MGAT5: variants seen among roughly 807,000 people sequenced by gnomAD.
The protein encoded by MGAT5 is alpha-1,6-mannosylglycoprotein 6-beta-N-acetylglucosaminyltransferase.
MGAT5 carries 30 observed loss-of-function variants against 94.3 expected under a neutral mutation model. The ratio of observed to expected loss-of-function variants is 0.32; its 90% CI spans 0.24 to 0.43. The LOEUF (loss-of-function observed/expected upper bound fraction) is 0.43, where lower values mean the gene tolerates loss of function less well. MGAT5 is among the 20% of genes least tolerant of loss of function. The probability of loss-of-function intolerance (pLI) is 1.00; values close to 1 mark genes in which losing one functional copy is unlikely to be tolerated. For synonymous variants in MGAT5, 310 were observed against 322.9 expected (o/e 0.96, Z 0.43); for missense variants, 691 against 905.5 (o/e 0.76, Z 3.04).
intron 1 of MGAT5, among the ~76,000 whole-genome samples, chr2:134,173,450 C>T (rs1032957451): frequency 3.9e-5 from 6 of 152,172 alleles, no homozygotes; most frequent in Non-Finnish European, 8.8e-5. Context: ...AGATGGTCAT[C>T]TTCCTGCATG....
chr2:134,215,983 T>G (rs1178732044), intron 1 of MGAT5, among the ~76,000 whole-genome samples: 1 of 152,188 alleles, frequency 6.6e-6, no homozygotes, highest in Non-Finnish European at 1.5e-5. Context: ...GCTTGGTGCT[T>G]TTAATGGACT....
At chr2:134,275,668 C>T (rs1177098789) in intron 2 of MGAT5, among the ~76,000 whole-genome samples, 2 of 148,842 alleles carry the variant, frequency 1.3e-5, no homozygotes, top group Non-Finnish European at 3.0e-5. Context: ...TTTGCAGCCT[C>T]GACCTTCCAT....
chr2:134,287,786 G>A (rs1393743364), intron 2 of MGAT5, among the ~76,000 whole-genome samples: 1 of 152,102 alleles, frequency 6.6e-6, no homozygotes, highest in Non-Finnish European at 1.5e-5. Flanking sequence ...GTAAGCCTTT[G>A]CTATTTATAA....
At chr2:134,184,698 G>C (rs1360215928) in intron 1 of MGAT5, among the ~76,000 whole-genome samples, 1 of 151,954 alleles carries the variant, frequency 6.6e-6, no homozygotes. Flanking sequence ...AGACACATCA[G>C]TAGATAATTA....
At chr2:134,401,453 C>G (rs576025130) in intron 10 of MGAT5, among the ~76,000 whole-genome samples, 2 of 152,088 alleles carry the variant, frequency 1.3e-5, no homozygotes, top group Non-Finnish European at 2.9e-5. Context: ...GAGTGGGTCC[C>G]CTCAGGTCAG....
At chr2:134,136,504 T>C (rs1686418049) in intron 1 of MGAT5, among the ~76,000 whole-genome samples, 1 of 152,076 alleles carries the variant, frequency 6.6e-6, no homozygotes, top group Non-Finnish European at 1.5e-5. Context: ...GAGGCAAAGG[T>C]TGCAGTGAGC....
chr2:134,276,892 A>ACGGACAGAC (rs1039942607), intron 2 of MGAT5, among the ~76,000 whole-genome samples: 1 of 152,192 alleles, frequency 6.6e-6, no homozygotes, highest in African/African-American at 2.4e-5. Context: ...TTATGGGGAC[A>ACGGACAGAC]CGGACAGACC....
chr2:134,375,615 C>T lies in MGAT5; in HGVS notation c.1380+13207C>T, dbSNP rs115720756. The stretch of plus-strand genomic sequence containing the variant: ...GGAACTTACTTGCGTATCAGGACTT[C>T]AAAAGATATGTCTGCCTTTAGAGAG... On this transcript the variant is annotated intron_variant, in intron 10 of 15. Coordinates refer to ENST00000281923, the MANE Select transcript of MGAT5 (RefSeq NM_002410.5). Among the ~76,000 whole-genome samples the T allele has an allele frequency of 3.9e-3, 596 of 152,288 alleles. 7 individuals are homozygous for T. The highest frequency in any genetic ancestry group is 0.014 in the African/African-American group (566 of 41,552).
In MGAT5 at chr2:134,360,142, G is replaced by A. The variant is rs935336858; in HGVS notation, c.1247-2133G>A. Among the ~76,000 whole-genome samples, 32 of 152,168 alleles carry A rather than the reference G, an allele frequency of 2.1e-4. 1 individual carries two copies. The highest frequency in any genetic ancestry group is 1.2e-4 in the Non-Finnish European group (8 of 68,028). On this transcript the variant is annotated intron_variant, in intron 9 of 15. Transcript: ENST00000281923. The stretch of plus-strand genomic sequence containing the variant: ...TGATCCCTAAGTTAACATTTCACAA[G>A]GTGAGACAGGAGTTAAAGTATTTGG...
At chr2:134,323,281 C>T (rs1687439390) in intron 4 of MGAT5, among the ~76,000 whole-genome samples, 1 of 152,040 alleles carries the variant, frequency 6.6e-6, no homozygotes, top group African/African-American at 2.4e-5. Flanking sequence ...TGAGTGGTTG[C>T]CTTTCTTTAG....
intron 1 of MGAT5, among the ~76,000 whole-genome samples, chr2:134,166,494 A>G (rs1687970086): frequency 6.6e-6 from 1 of 152,194 alleles, no homozygotes; most frequent in Admixed American, 6.5e-5. Context: ...CTTTCTGTTG[A>G]CTTGAACACA....
chr2:134,402,325 T>C (rs1683102480), intron 10 of MGAT5, among the ~76,000 whole-genome samples: 1 of 152,204 alleles, frequency 6.6e-6, no homozygotes, highest in African/African-American at 2.4e-5. Flanking sequence ...ATAAGTAAAA[T>C]TACTCTTGAA....
chr2:134,275,839 C>T (rs6743409), intron 2 of MGAT5, among the ~76,000 whole-genome samples: 43,258 of 151,744 alleles, frequency 0.29, 6,515 homozygotes, highest in East Asian at 0.39. Flanking sequence ...CCTCCCACCT[C>T]AGCCTCCCAA....
At chr2:134,436,912 C>T (rs986992618) in intron 14 of MGAT5, among the ~76,000 whole-genome samples, 3 of 152,258 alleles carry the variant, frequency 2.0e-5, no homozygotes, top group Admixed American at 6.5e-5. Context: ...CTCCTTCTGA[C>T]TTGAAGCACA....
chr2:134,406,982 A>T (rs1461693032), intron 11 of MGAT5, among the ~76,000 whole-genome samples: 2 of 152,200 alleles, frequency 1.3e-5, no homozygotes, highest in African/African-American at 4.8e-5. Context: ...TTCTATCCAC[A>T]GGTGCATCCA....
chr2:134,151,975 C>T (rs535746625), intron 1 of MGAT5, among the ~76,000 whole-genome samples: 21 of 144,856 alleles, frequency 1.4e-4, no homozygotes, highest in Non-Finnish European at 2.0e-4. Flanking sequence ...CTATGGGACC[C>T]GCCCACTGCC....
At chr2:134,222,344 C>T (rs1680821976) in intron 1 of MGAT5, among the ~76,000 whole-genome samples, 1 of 151,244 alleles carries the variant, frequency 6.6e-6, no homozygotes, top group African/African-American at 2.4e-5. Context: ...CCCAATCAGC[C>T]AGAAAAAAAA....
rs149698810 is a variant in MGAT5 at position 134,223,512 on chromosome 2, T to C, written c.-142-30750T>C. Among the ~76,000 whole-genome samples the C allele has an allele frequency of 3.4e-3, 520 of 152,286 alleles. 7 individuals carry two copies. In the East Asian group the frequency reaches 0.039, roughly 11 times the overall value. On this transcript the variant is annotated intron_variant, in intron 1 of 16. Coordinates refer to the MGAT5 transcript ENST00000409645. ...ATGTTAGAACCGAAAAAGGAACCTCTTCCATTAGGGCACCAACTAAAAATG... is the reference window on the plus strand; with the variant it reads ...ATGTTAGAACCGAAAAAGGAACCTCCTCCATTAGGGCACCAACTAAAAATG...
chr2:134,257,838 T>C lies in MGAT5; in HGVS notation c.241+3194T>C, dbSNP rs901861134. Among the ~76,000 whole-genome samples, 15 of 134,966 alleles carry C rather than the reference T, an allele frequency of 1.1e-4. 1 individual carries two copies. The East Asian group carries it at 1.2e-3, about 11-fold the overall frequency. The allele number at this position is 134,966 out of a possible 152,430, so 88.5% of individuals were successfully genotyped here. Reference sequence around the variant, plus strand: ...CATAGGCCATTAGTTTGCAGTCTCTTTTTTTTTTTTTTTTTTTGCCATAAA... The same window carrying C: ...CATAGGCCATTAGTTTGCAGTCTCTCTTTTTTTTTTTTTTTTTGCCATAAA... On this transcript the variant is annotated intron_variant, in intron 1 of 15. Transcript: ENST00000281923.
Sources: allele counts gnomAD v4.1 joint callset (sites outside exome capture counted in the v4.1 genomes callset), GRCh38; gene constraint gnomAD v4.1.1; transcripts MANE v1.5; gene names NCBI Gene and HGNC (gene_info 2026-07-23, HGNC 2026-07-21).